COL2A1: variants seen among roughly 807,000 people sequenced by gnomAD.
COL2A1 encodes collagen alpha-1(II) chain.
Under a neutral mutation model 204.5 loss-of-function variants are expected in COL2A1, and 28 were observed. The ratio of observed to expected loss-of-function variants is 0.14; its 90% CI spans 0.10 to 0.19. The LOEUF (loss-of-function observed/expected upper bound fraction) is 0.19, where lower values mean the gene tolerates loss of function less well. Ranked by LOEUF, COL2A1 falls within the 10% of genes least tolerant of loss-of-function variation. The pLI is 1.00. For synonymous variants in COL2A1, 708 were observed against 718.7 expected, an observed-to-expected ratio of 0.99 and a Z score of 0.24; for missense variants, 1,388 against 2,027.5, an observed-to-expected ratio of 0.68 and a Z score of 6.06.
chr12:47,997,937 A>G lies in COL2A1; in HGVS notation c.376-13T>C. ...CCCCTGCAGGTCCCTGAAGGTGAAG[A>G]ACATGGTAAGATGACAGCAAGGCCA... is the stretch of plus-strand genomic sequence containing the variant. On this transcript the variant is annotated splice_polypyrimidine_tract_variant and intron_variant, in intron 5 of 53. Coordinates refer to ENST00000380518, the MANE Select transcript of COL2A1 (RefSeq NM_001844.5). The G allele has an allele frequency of 5.6e-6, 9 of 1,614,168 alleles. No individual in the cohort carries two copies. Among genetic ancestry groups the G allele is most frequent in the Non-Finnish European group, 7.6e-6 (9 of 1,180,034 alleles).
chr12:47,982,418 C>G (rs1397594792), intron 34 of COL2A1, 84 bp downstream of exon 34: 2 of 1,155,726 alleles, frequency 1.7e-6, no homozygotes, highest in African/African-American at 3.0e-5. Flanking sequence ...TCACCAGGTG[C>G]CATAAGGGAA....
Position 47,989,292 on chromosome 12 carries a change from T to C in COL2A1, c.1069-11A>G. The C allele has an allele frequency of 6.2e-7, 1 of 1,611,270 alleles. No homozygotes were observed. ...AGGACCGACAGGACCCTGGAGAGAG[T>C]AGGCGGATGAGAAGAGAGGTGAATG... is the stretch of plus-strand genomic sequence containing the variant. On this transcript the variant is annotated splice_polypyrimidine_tract_variant and intron_variant, in intron 17 of 53. Coordinates refer to ENST00000380518, the MANE Select transcript of COL2A1 (RefSeq NM_001844.5).
chr12:48,004,861 C>A (rs1940404345), upstream of COL2A1, among the ~76,000 whole-genome samples: 1 of 152,170 alleles, frequency 6.6e-6, no homozygotes, highest in African/African-American at 2.4e-5. Flanking sequence ...GGCCGAGAGC[C>A]CTAGACCAAG....
chr12:47,991,430 G>T (rs1939700540), intron 16 of COL2A1, among the ~76,000 whole-genome samples: 3 of 152,142 alleles, frequency 2.0e-5, no homozygotes, highest in Non-Finnish European at 4.4e-5. Flanking sequence ...CCTACCCCGT[G>T]TCTGGGGCCT....
In COL2A1 at chr12:47,980,747, T is replaced by C. The variant is rs1278394430; in HGVS notation, c.2518-86A>G. The C allele has an allele frequency of 8.4e-6, 12 of 1,432,442 alleles. No individual in the cohort carries two copies. Among genetic ancestry groups the C allele is most frequent in the Non-Finnish European group, 1.2e-5 (12 of 1,037,096 alleles). 88.7% of individuals were successfully genotyped at this position (1,432,442 alleles called of 1,614,324 possible). On this transcript the variant is annotated intron_variant, in intron 38 of 53. Transcript: ENST00000380518. This position sits in a 1 kb window ranked among gnomAD's most constrained non-coding sequence, Gnocchi z 4.5. The stretch of plus-strand genomic sequence containing the variant: ...AGAAGAGCAGGAGACTCTGTGAGTA[T>C]CTGCGTGTGTGTCCTGGTCTGGACA...
At position 47,987,480 on chromosome 12, in the gene COL2A1, TG is replaced by T; in HGVS notation, c.1221+130del. On this transcript the variant is annotated intron_variant, in intron 19 of 53. Coordinates refer to ENST00000380518, the MANE Select transcript of COL2A1 (RefSeq NM_001844.5). This position sits in a 1 kb window ranked among gnomAD's most constrained non-coding sequence, Gnocchi z 4.1. ...GGATAGAAGGGAATACATCTAGAGG[TG>T]GGGACAGGCATTGGGCCAGAATGAA... is the stretch of plus-strand genomic sequence containing the variant. The T allele has an allele frequency of 9.6e-7, 1 of 1,039,710 alleles. No homozygotes were observed. The allele number at this position is 1,039,710 out of a possible 1,614,324, so 64.4% of individuals were successfully genotyped here.
At chr12:47,995,169 G>C in intron 11 of COL2A1, 86 bp downstream of exon 11, 1 of 1,148,136 alleles carries the variant, frequency 8.7e-7, no homozygotes, top group South Asian at 1.2e-5. Context: ...CACCCTGGGT[G>C]CCTCCCTGTC....
intron 53 of COL2A1, 23 bp downstream of exon 53, chr12:47,974,066 T>C (rs1337551263): frequency 5.0e-6 from 8 of 1,614,096 alleles, no homozygotes; most frequent in Non-Finnish European, 6.8e-6. Flanking sequence ...CAGGCAGCTC[T>C]TCTCTCTGGC....
intron 29 of COL2A1, 23 bp downstream of exon 29, chr12:47,984,064 G>C: frequency 6.2e-7 from 1 of 1,606,944 alleles, no homozygotes; most frequent in Non-Finnish European, 8.5e-7. Context: ...AGGGCCACCT[G>C]GGGAGGCTGG....
intron 25 of COL2A1, 48 bp downstream of exon 25, chr12:47,985,680 A>G (rs1283289140): frequency 6.2e-7 from 1 of 1,610,602 alleles, no homozygotes; most frequent in Non-Finnish European, 8.5e-7. Flanking sequence ...CCAGCCAGGA[A>G]GGGCCTGAGG....
chr12:48,002,002 G>C (rs2136644231), intron 1 of COL2A1, among the ~76,000 whole-genome samples: 1 of 152,288 alleles, frequency 6.6e-6, no homozygotes, highest in Non-Finnish European at 1.5e-5. Flanking sequence ...CGGCGGGCGG[G>C]CACAGGGGGG....
intron 50 of COL2A1, 69 bp downstream of exon 50, chr12:47,975,894 C>CA: frequency 8.1e-7 from 1 of 1,239,440 alleles, no homozygotes. Flanking sequence ...AGGCCCTGAG[C>CA]AAAAAAGAGC....
At position 47,980,833 on chromosome 12, in the gene COL2A1, T is replaced by C. The variant is rs12300271; in HGVS notation, c.2517+82A>G. The C allele has an allele frequency of 0.085, 127,511 of 1,506,032 alleles. 8,915 individuals are homozygous for C. Among genetic ancestry groups the C allele is most frequent in the African/African-American group, 0.37 (26,745 of 72,028 alleles). 93.3% of individuals were successfully genotyped at this position (1,506,032 alleles called of 1,614,324 possible). ...GGAGAGGAGCATCCATTTCCCTCCC[T>C]GACAAGCTCCGATGCCCGAGGGTGC... On this transcript the variant is annotated intron_variant, in intron 38 of 53. Transcript: ENST00000380518. The surrounding 1 kb of genome is among the most constrained non-coding windows in gnomAD (Gnocchi z 4.5).
chr12:48,002,381 A>C (rs1940274940), intron 1 of COL2A1, among the ~76,000 whole-genome samples: 1 of 152,192 alleles, frequency 6.6e-6, no homozygotes, highest in Admixed American at 6.5e-5. Context: ...GTCCACGCAG[A>C]CTGCGCATTT....
In COL2A1 at chr12:47,980,793, A is replaced by T. The variant is rs1001961420; in HGVS notation, c.2517+122T>A. On this transcript the variant is annotated intron_variant, in intron 38 of 53. Transcript: ENST00000380518. This position sits in a 1 kb window ranked among gnomAD's most constrained non-coding sequence, Gnocchi z 4.5. ...GGACATGATGGTTCTATTAGTATGG[A>T]GGCGGGAAAGGAGAGGAGAGGAGCA... 55 of 1,391,630 alleles carry T rather than the reference A, an allele frequency of 4.0e-5. No individual in the cohort carries two copies. Among genetic ancestry groups the T allele is most frequent in the Admixed American group, 3.9e-5 (2 of 50,816 alleles). The allele number at this position is 1,391,630 out of a possible 1,614,324, so 86.2% of individuals were successfully genotyped here. A position where few individuals can be genotyped will look rare whatever the true frequency, so the allele number is the denominator to read the frequency against.
In COL2A1 at chr12:47,977,799, C is replaced by T. The variant is rs555530274; in HGVS notation, c.3112-146G>A. The T allele has an allele frequency of 1.1e-3, 1,169 of 1,038,904 alleles. 29 individuals carry two copies. The South Asian group carries it at 0.015, about 14-fold the overall frequency. The allele number at this position is 1,038,904 out of a possible 1,614,324, so 64.4% of individuals were successfully genotyped here. A position where few individuals can be genotyped will look rare whatever the true frequency, so the allele number is the denominator to read the frequency against. On this transcript the variant is annotated intron_variant, in intron 44 of 53. Transcript: ENST00000380518. ...AAGCCAAAGTTTCCTCACCAAGTTT[C>T]CCTCCTCCTTCCGGAAGCAGCCCTT...
rs768931460 is a variant in COL2A1, at chr12:47,999,931, C to A, written c.280G>T (p.Ala94Ser). The stretch of plus-strand genomic sequence containing the variant: ...AATAAATTACAACCACTGGCAGTGG[C>A]GAGGTCAGTTGGGCAGATGGGGCAG... ...ECCPICPTDL[A>S]TASGQPGPKG... is the part of the protein sequence containing the mutation. The change falls in exon 2 of 54, where the codon GCC (alanine) becomes TCC (serine). Residue 94 changes from alanine to serine, a missense_variant. By Grantham distance (99) the Ala-to-Ser change is moderately conservative (BLOSUM62 1). Transcript: ENST00000380518. 2 of 1,613,900 alleles carry A rather than the reference C, an allele frequency of 1.2e-6. No homozygotes were observed. Among genetic ancestry groups the A allele is most frequent in the African/African-American group, 2.7e-5 (2 of 75,036 alleles).
At chr12:47,994,366 G>A (rs1939847247) in intron 12 of COL2A1, 58 bp downstream of exon 12, 2 of 1,585,956 alleles carry the variant, frequency 1.3e-6, no homozygotes, top group Non-Finnish European at 1.7e-6. Context: ...CTGTGTTTAA[G>A]GCCACAGGGA....
chr12:47,982,183 G>A (rs555501211), intron 34 of COL2A1, 23 bp from the exon 35 acceptor site: 65 of 1,609,406 alleles, frequency 4.0e-5, no homozygotes, highest in South Asian at 8.8e-5. Context: ...AAAACCAGCC[G>A]CCTCAGCCAG....
Sources: gnomAD v4.1 joint callset for allele counts (sites outside exome capture counted in the v4.1 genomes callset) on GRCh38, gnomAD v4.1.1 for gene constraint, Gnocchi (gnomAD v3.1) non-coding constraint, MANE v1.5 for transcripts, NCBI Gene and HGNC (gene_info 2026-07-23, HGNC 2026-07-21) for gene names.